PRKCE: variants seen among roughly 807,000 people sequenced by gnomAD.
The protein encoded by PRKCE is protein kinase C epsilon type.
A neutral mutation model predicts 85.4 loss-of-function variants in PRKCE; 16 were observed. The ratio of observed to expected loss-of-function variants is 0.19; its 90% CI spans 0.13 to 0.28. The LOEUF is 0.28. PRKCE is among the 10% of genes least tolerant of loss of function. PRKCE has a pLI of 1.00. For synonymous variants in PRKCE, 388 were observed against 371.5 expected (o/e 1.04, Z -0.51); for missense variants, 573 against 975.2 (o/e 0.59, Z 5.49).
At chr2:46,070,604 C>A (rs997208817) in intron 10 of PRKCE, among the ~76,000 whole-genome samples, 6 of 151,826 alleles carry the variant, frequency 4.0e-5, no homozygotes, top group Admixed American at 6.6e-5. Flanking sequence ...GATCATGCCA[C>A]TGCACTCCAG....
intron 1 of PRKCE, among the ~76,000 whole-genome samples, chr2:45,785,851 CA>C (rs1686561459): frequency 7.9e-5 from 12 of 152,180 alleles, no homozygotes; most frequent in Admixed American, 7.9e-4. Flanking sequence ...ACCAGGAGGC[CA>C]AACTCGAACC....
chr2:45,854,232 C>T (rs1223944233), intron 2 of PRKCE, among the ~76,000 whole-genome samples: 1 of 152,190 alleles, frequency 6.6e-6, no homozygotes, highest in Non-Finnish European at 1.5e-5. Flanking sequence ...GAGCCGGGAG[C>T]ACCATCCTAC....
At chr2:45,849,634 AGATCCT>A (rs1188802256) in intron 2 of PRKCE, among the ~76,000 whole-genome samples, 11 of 152,204 alleles carry the variant, frequency 7.2e-5, no homozygotes, top group Admixed American at 5.9e-4. Context: ...TTACGCAATA[AGATCCT>A]GATCCTGTTC....
Position 45,652,586 on chromosome 2 carries a change from G to A in PRKCE, c.348+138G>A, listed in dbSNP as rs1675174939. On this transcript the variant is annotated intron_variant, in intron 1 of 14. Transcript: ENST00000306156. This position sits in a 1 kb window ranked among gnomAD's most constrained non-coding sequence, Gnocchi z 7.7. ...GCCTGTAAGTCTCAGTTTCCTTGGG[G>A]AGGTACACTTCACTTCATAGTTGGG... 4 of 831,888 alleles carry A rather than the reference G, an allele frequency of 4.8e-6. No individual in the cohort carries two copies. The highest frequency in any genetic ancestry group is 1.7e-5 in the African/African-American group (1 of 57,832). The allele number at this position is 831,888 out of a possible 1,614,324, so 51.5% of individuals were successfully genotyped here.
intron 2 of PRKCE, among the ~76,000 whole-genome samples, 156 bp from the exon 3 acceptor site, chr2:45,976,273 A>G (rs764997228): frequency 6.6e-6 from 1 of 151,604 alleles, no homozygotes; most frequent in Non-Finnish European, 1.5e-5. Flanking sequence ...GCTCAGTGGG[A>G]CTCCTCAGAC....
intron 4 of PRKCE, 103 bp from the exon 5 acceptor site, chr2:45,980,193 G>A (rs954494732): frequency 2.9e-6 from 3 of 1,037,988 alleles, no homozygotes; most frequent in Non-Finnish European, 4.3e-6. Flanking sequence ...GTGGCAGAAG[G>A]GGCCTGGCTC....
chr2:45,918,584 T>G (rs1444582844), intron 2 of PRKCE, among the ~76,000 whole-genome samples: 1 of 152,186 alleles, frequency 6.6e-6, no homozygotes, highest in Non-Finnish European at 1.5e-5. Flanking sequence ...ATTTTTCGGT[T>G]TCTATAGTTA....
chr2:46,124,926 G>A (rs1264268310), intron 11 of PRKCE, among the ~76,000 whole-genome samples: 1 of 152,172 alleles, frequency 6.6e-6, no homozygotes, highest in African/African-American at 2.4e-5. Context: ...GAAATTTTTA[G>A]ACACATTTAA....
At chr2:45,791,140 T>G (rs538990516) in intron 1 of PRKCE, among the ~76,000 whole-genome samples, 1 of 152,092 alleles carries the variant, frequency 6.6e-6, no homozygotes, top group South Asian at 2.1e-4. Context: ...TGCCTCTGAC[T>G]GGTCACGGGG....
chr2:45,880,238 GCAC>G (rs1694780514), intron 2 of PRKCE, among the ~76,000 whole-genome samples: 1 of 152,166 alleles, frequency 6.6e-6, no homozygotes, highest in Non-Finnish European at 1.5e-5. Context: ...TTATGTGTAT[GCAC>G]CACATTTTCT....
rs1573353563 is a variant in PRKCE at position 45,786,559 on chromosome 2, CA to C, written c.349-56440del. ...ACCTGAAGCAGACAGGCCCCACTAA[CA>C]GGAACAGGACAGGCCTTAGGGGCCT... On this transcript the variant is annotated intron_variant, in intron 1 of 14. Transcript: ENST00000306156. This position sits in a 1 kb window ranked among gnomAD's most constrained non-coding sequence, Gnocchi z 5.3. Among the ~76,000 whole-genome samples, 2 of 152,214 alleles carry C rather than the reference CA, an allele frequency of 1.3e-5. No homozygotes were observed. The highest frequency in any genetic ancestry group is 1.3e-4 in the Admixed American group (2 of 15,280).
Position 46,180,281 on chromosome 2 carries a change from C to G in PRKCE, c.2068-4454C>G, listed in dbSNP as rs77829091. On this transcript the variant is annotated intron_variant, in intron 14 of 14. Coordinates refer to ENST00000306156, the MANE Select transcript of PRKCE (RefSeq NM_005400.3). ...AGGGGAGGGCATTCCAGGTAGAGGGCTAGCTATGCAAGGCTGGAGGCAAGA... is the reference window on the plus strand; with the variant it reads ...AGGGGAGGGCATTCCAGGTAGAGGGGTAGCTATGCAAGGCTGGAGGCAAGA... Among the ~76,000 whole-genome samples, 8 of 152,228 alleles carry G rather than the reference C, an allele frequency of 5.3e-5. No homozygotes were observed. The East Asian group carries it at 1.5e-3, about 29-fold the overall frequency.
intron 11 of PRKCE, among the ~76,000 whole-genome samples, chr2:46,101,544 A>C: frequency 6.6e-6 from 1 of 152,202 alleles, no homozygotes; most frequent in East Asian, 1.9e-4. Context: ...CTCAAAGCAC[A>C]AATAGAGGCC....
chr2:45,983,585 C>T (rs1382998301), intron 5 of PRKCE, among the ~76,000 whole-genome samples: 1 of 152,174 alleles, frequency 6.6e-6, no homozygotes, highest in African/African-American at 2.4e-5. Flanking sequence ...GTCTCATTGA[C>T]CCTGCCATCC....
chr2:46,183,852 C>CTCA (rs1680231966), intron 14 of PRKCE, among the ~76,000 whole-genome samples: 2 of 152,226 alleles, frequency 1.3e-5, no homozygotes, highest in African/African-American at 4.8e-5. Flanking sequence ...ACCCCTTGAA[C>CTCA]TCAACTCTAA....
intron 1 of PRKCE, among the ~76,000 whole-genome samples, chr2:45,715,507 A>G (rs1680011968): frequency 6.6e-6 from 1 of 152,154 alleles, no homozygotes; most frequent in Non-Finnish European, 1.5e-5. Context: ...TCTTGCTTCC[A>G]TCTATCCAGT....
In PRKCE at chr2:46,171,053, A is replaced by G. The variant is rs115682338; in HGVS notation, c.2067+11301A>G. ...CCCAGTTAGAAGCAGAATGAGTCCA[A>G]GTTGCCACCGTTTTCTTACCCACTT... On this transcript the variant is annotated intron_variant, in intron 14 of 14. Transcript: ENST00000306156. Among the ~76,000 whole-genome samples, 325 of 152,310 alleles carry G rather than the reference A, an allele frequency of 2.1e-3. 2 individuals are homozygous for G. Among genetic ancestry groups the G allele is most frequent in the African/African-American group, 7.3e-3 (305 of 41,572 alleles).
rs61764811 is a variant in PRKCE, at chr2:45,983,050, C to G, written c.694-1501C>G. On this transcript the variant is annotated intron_variant, in intron 5 of 14. Transcript: ENST00000306156. Reference sequence around the variant, plus strand: ...CAACATGTCTACATTCACAAACAGGCACACCTAAGCTAGGCATCTAAGAAT... The same window carrying G: ...CAACATGTCTACATTCACAAACAGGGACACCTAAGCTAGGCATCTAAGAAT... 5.7e-3 allele frequency among the ~76,000 whole-genome samples: 874 copies of G among 152,318 alleles called. 9 individuals are homozygous for G. The highest frequency in any genetic ancestry group is 0.02 in the African/African-American group (824 of 41,556).
rs34589907 is a variant in PRKCE, at chr2:45,751,809, A to ATTTTTT, written c.349-91170_349-91165dup. On this transcript the variant is annotated intron_variant, in intron 1 of 14. Coordinates refer to ENST00000306156, the MANE Select transcript of PRKCE (RefSeq NM_005400.3). ...ACTCCAGCCTCCAAAGCTAACCACTATTTTTTTTTTTTTTTTTTTTTTTTT... is the reference window on the plus strand; with the variant it reads ...ACTCCAGCCTCCAAAGCTAACCACTATTTTTTTTTTTTTTTTTTTTTTTTTTTTTTT... Among the ~76,000 whole-genome samples, 310 of 78,522 alleles carry ATTTTTT rather than the reference A, an allele frequency of 3.9e-3. 65 individuals are homozygous for ATTTTTT. Among genetic ancestry groups the ATTTTTT allele is most frequent in the African/African-American group, 0.016 (278 of 17,708 alleles). The allele number at this position is 78,522 out of a possible 152,430, so 51.5% of individuals were successfully genotyped here. A position where few individuals can be genotyped will look rare whatever the true frequency, so the allele number is the denominator to read the frequency against.
Sources: gnomAD v4.1 joint callset for allele counts (sites outside exome capture counted in the v4.1 genomes callset) on GRCh38, gnomAD v4.1.1 for gene constraint, Gnocchi (gnomAD v3.1) non-coding constraint, MANE v1.5 for transcripts, NCBI Gene and HGNC (gene_info 2026-07-23, HGNC 2026-07-21) for gene names.